CIB1: variants seen among roughly 807,000 people sequenced by gnomAD.
The protein encoded by CIB1 is calcium and integrin binding 1.
In CIB1, 19 loss-of-function variants were observed where a neutral mutation model predicts 25.0. The observed-to-expected ratio is 0.76, with a 90% CI of 0.53 to 1.12. The LOEUF is 1.12. CIB1 is among the 50% of genes most tolerant of loss of function. The probability of loss-of-function intolerance (pLI) is 0.00; values close to 1 mark genes in which losing one functional copy is unlikely to be tolerated. For missense variants in CIB1, 236 were observed against 242.6 expected (o/e 0.97, Z 0.18); for synonymous variants, 104 against 98.5 (o/e 1.06, Z -0.33).
chr15:90,238,069 G>A (rs141010742), upstream of CIB1, among the ~76,000 whole-genome samples: 529 of 152,292 alleles, frequency 3.5e-3, 7 homozygotes, highest in South Asian at 2.9e-3. Context: ...GGAGGCCAAC[G>A]CAGGTGGATC....
Position 90,231,123 on chromosome 15 carries a change from G to T in CIB1, c.437C>A (p.Ala146Glu), listed in dbSNP as rs560810851. Residue 146 changes from alanine (A) to glutamate (E), a missense_variant, in exon 5 of 7, where the codon GCG (alanine) becomes GAG (glutamate). Transcript: ENST00000328649. ...TGEGEDTRLSASEMKQLIDNI... is the reference protein window; with the variant it reads ...TGEGEDTRLSESEMKQLIDNI... ...GTCGATGAGCTGCTTCATCTCAGAC[G>T]CACTAAGCCGTGTGTCCTCGCCCTC... 3.1e-6 allele frequency: 5 copies of T among 1,614,182 alleles called. No homozygotes were observed. Among genetic ancestry groups the T allele is most frequent in the Non-Finnish European group, 3.4e-6 (4 of 1,180,022 alleles).
At chr15:90,263,015 A>AGGAGGAG in the CIB1 span, 1 of 1,536,108 alleles carries the variant, frequency 6.5e-7, no homozygotes, top group East Asian at 2.4e-5. Flanking sequence ...ATTGTGGAAG[A>AGGAGGAG]GGAGGAGCTG....
chr15:90,246,787 C>CAAAAA, the CIB1 span, among the ~76,000 whole-genome samples: 205 of 45,246 alleles, frequency 4.5e-3, 31 homozygotes, highest in Middle Eastern at 0.022. Context: ...GACTCTGTCT[C>CAAAAA]AAAAAAAAAA....
At chr15:90,239,580 C>T in the CIB1 span, among the ~76,000 whole-genome samples, 1 of 152,110 alleles carries the variant, frequency 6.6e-6, no homozygotes, top group East Asian at 1.9e-4. Flanking sequence ...CTCACTATCA[C>T]GAGAACAGCA....
At chr15:90,256,545 TTTTCTTTCTTTCTTTC>T in the CIB1 span, among the ~76,000 whole-genome samples, 996 of 105,452 alleles carry the variant, frequency 9.4e-3, 18 homozygotes, top group African/African-American at 0.023. Flanking sequence ...TCTCCTTCCT[TTTTCTTTCTTTCTTTC>T]TTTCTTTCTT....
chr15:90,256,877 G>A, the CIB1 span, among the ~76,000 whole-genome samples: 38,969 of 151,422 alleles, frequency 0.26, 6,115 homozygotes, highest in East Asian at 0.69. Flanking sequence ...TAGTAGAGAC[G>A]GGGTTTCACC....
the CIB1 span, among the ~76,000 whole-genome samples, chr15:90,246,436 T>TA: frequency 5.5e-3 from 844 of 152,224 alleles, 4 homozygotes; most frequent in Middle Eastern, 0.027. Flanking sequence ...GAAGAATACT[T>TA]ACGCTGTAAT....
the CIB1 span, chr15:90,264,033 C>A: frequency 6.5e-7 from 1 of 1,535,736 alleles, no homozygotes; most frequent in Non-Finnish European, 8.7e-7. Flanking sequence ...GCTATTTTTC[C>A]AGTGCCAGAA....
the CIB1 span, chr15:90,258,149 T>TC: frequency 5.0e-6 from 8 of 1,614,108 alleles, no homozygotes; most frequent in Non-Finnish European, 5.9e-6. Context: ...CCCATTCTGT[T>TC]CTACGCCACA....
the CIB1 span, chr15:90,262,423 C>T: frequency 4.3e-6 from 6 of 1,406,442 alleles, no homozygotes; most frequent in Non-Finnish European, 5.6e-6. Flanking sequence ...TTCCTCATCC[C>T]CATTTTTCCT....
the CIB1 span, among the ~76,000 whole-genome samples, chr15:90,254,275 A>G: frequency 7.3e-5 from 11 of 151,388 alleles, no homozygotes; most frequent in African/African-American, 1.5e-4. Flanking sequence ...CGGGCGGATC[A>G]TGAGGTCAGG....
chr15:90,257,169 T>A, the CIB1 span: 2 of 1,613,762 alleles, frequency 1.2e-6, no homozygotes, highest in Non-Finnish European at 1.7e-6. Context: ...AAGTTTGATA[T>A]GCGAGTCTAC....
At chr15:90,237,283 C>CTT (rs35595704), upstream of CIB1, among the ~76,000 whole-genome samples, 3,346 of 113,234 alleles carry the variant, frequency 0.03, 288 homozygotes, top group African/African-American at 0.098. Flanking sequence ...CTTTTTTTCC[C>CTT]TTTTTTTTTT....
upstream of CIB1, among the ~76,000 whole-genome samples, chr15:90,236,386 G>A (rs776289896): frequency 7.2e-5 from 11 of 152,200 alleles, no homozygotes; most frequent in Admixed American, 1.3e-4. Flanking sequence ...TGTGCCTGGT[G>A]ACCAGCTGTG....
chr15:90,262,283 C>A, the CIB1 span: 1 of 1,324,052 alleles, frequency 7.6e-7, no homozygotes, highest in Admixed American at 2.8e-5. Context: ...AAGCCAGACA[C>A]CAGCAAAGAG....
the CIB1 span, chr15:90,242,967 A>G: frequency 6.6e-6 from 1 of 151,244 alleles, no homozygotes; most frequent in South Asian, 2.1e-4. Context: ...GAATAATTCT[A>G]CTGAGTAAGA....
At chr15:90,263,272 T>TGC in the CIB1 span, 13 of 843,902 alleles carry the variant, frequency 1.5e-5, no homozygotes, top group East Asian at 2.7e-5. Flanking sequence ...GAAAGCAGAG[T>TGC]GCGCTAGCTG....
chr15:90,246,777 G>T, the CIB1 span, among the ~76,000 whole-genome samples: 1 of 91,898 alleles, frequency 1.1e-5, no homozygotes, highest in South Asian at 4.2e-4. Context: ...AACAGAGTGA[G>T]ACTCTGTCTC....
At position 90,231,337 on chromosome 15, in the gene CIB1, G is replaced by T. The variant is rs779937416; in HGVS notation, c.346+20C>A. Reference sequence around the variant, plus strand: ...ACGTGGGAAGGGGTGGTGTCCTGCCGGGCTGCTCCTGGTTCTCACCAAAGA... The same window carrying T: ...ACGTGGGAAGGGGTGGTGTCCTGCCTGGCTGCTCCTGGTTCTCACCAAAGA... On this transcript the variant is annotated intron_variant, in intron 4 of 6. Coordinates refer to ENST00000328649, the MANE Select transcript of CIB1 (RefSeq NM_006384.4). 1 of 1,612,128 alleles carries T rather than the reference G, an allele frequency of 6.2e-7. No homozygotes were observed. Among genetic ancestry groups the T allele is most frequent in the South Asian group, 1.1e-5 (1 of 91,004 alleles).
Sources: allele counts gnomAD v4.1 joint callset (sites outside exome capture counted in the v4.1 genomes callset), GRCh38; gene constraint gnomAD v4.1.1; transcripts MANE v1.5; gene names NCBI Gene and HGNC (gene_info 2026-07-23, HGNC 2026-07-21).